LMBR1: variants seen among roughly 807,000 people sequenced by gnomAD.
LMBR1 encodes the protein limb development membrane protein 1, also known as limb region 1 protein homolog.
A neutral mutation model predicts 73.9 loss-of-function variants in LMBR1; 52 were observed. The ratio of observed to expected loss-of-function variants is 0.70; its 90% CI spans 0.56 to 0.89. The LOEUF is 0.89. LMBR1 is among the 40% of genes least tolerant of loss of function. The pLI, the probability that LMBR1 is intolerant of heterozygous loss-of-function variation, is 0.00. For missense variants in LMBR1, 539 were observed against 579.8 expected, an observed-to-expected ratio of 0.93 and a Z score of 0.72; for synonymous variants, 215 against 209.4, an observed-to-expected ratio of 1.03 and a Z score of -0.23.
intron 1 of LMBR1, among the ~76,000 whole-genome samples, chr7:156,838,212 T>C (rs1241496048): frequency 6.6e-6 from 1 of 152,222 alleles, no homozygotes; most frequent in East Asian, 1.9e-4. Flanking sequence ...ACCTCAAATA[T>C]TTATAATTTT....
At chr7:156,880,868 G>T (rs1420762202) in intron 1 of LMBR1, among the ~76,000 whole-genome samples, 1 of 152,084 alleles carries the variant, frequency 6.6e-6, no homozygotes, top group Non-Finnish European at 1.5e-5. Context: ...AGCCAGGCTG[G>T]TCTCAAACTC....
chr7:156,841,178 C>T (rs1219449869), intron 1 of LMBR1, among the ~76,000 whole-genome samples: 2 of 151,932 alleles, frequency 1.3e-5, no homozygotes, highest in African/African-American at 4.8e-5. Flanking sequence ...GCCTGAGAAA[C>T]TGGAAAGACA....
chr7:156,851,036 C>T (rs1586224033), intron 1 of LMBR1, among the ~76,000 whole-genome samples: 2 of 152,152 alleles, frequency 1.3e-5, no homozygotes, highest in East Asian at 1.9e-4. Flanking sequence ...CCATATGACA[C>T]CCGCCACTTC....
intron 8 of LMBR1, among the ~76,000 whole-genome samples, chr7:156,761,714 C>T (rs921414414): frequency 3.3e-5 from 5 of 152,080 alleles, no homozygotes; most frequent in African/African-American, 9.7e-5. Context: ...CGGTGGCTCA[C>T]GCCTGTAATC....
intron 1 of LMBR1, among the ~76,000 whole-genome samples, chr7:156,875,533 C>T (rs1229750765): frequency 6.6e-6 from 1 of 152,086 alleles, no homozygotes; most frequent in East Asian, 1.9e-4. Flanking sequence ...TATCAAAAGT[C>T]AAGATGAAGG....
At chr7:156,889,509 G>C (rs1487278857) in intron 1 of LMBR1, among the ~76,000 whole-genome samples, 1 of 152,178 alleles carries the variant, frequency 6.6e-6, no homozygotes, top group Admixed American at 6.5e-5. Flanking sequence ...AATCATTTGA[G>C]AAAGAAATGC....
downstream of LMBR1, among the ~76,000 whole-genome samples, chr7:156,674,045 C>T (rs570193486): frequency 6.6e-6 from 1 of 152,348 alleles, no homozygotes; most frequent in South Asian, 2.1e-4. Flanking sequence ...GGGACTTGTT[C>T]ATTTCATCCT....
At chr7:156,892,782 T>A (rs922984189) in intron 1 of LMBR1, 146 bp downstream of exon 1, 7 of 235,588 alleles carry the variant, frequency 3.0e-5, no homozygotes, top group Non-Finnish European at 2.7e-5. Flanking sequence ...AGAGGAGGGG[T>A]GGGGAGGGAG....
At chr7:156,745,769 G>T (rs1363063705) in intron 9 of LMBR1, among the ~76,000 whole-genome samples, 1 of 152,188 alleles carries the variant, frequency 6.6e-6, no homozygotes, top group Non-Finnish European at 1.5e-5. Flanking sequence ...GCAGCTCCTT[G>T]CTCACTTCTG....
At chr7:156,675,717 A>G (rs767799081), downstream of LMBR1, 1 of 1,611,254 alleles carries the variant, frequency 6.2e-7, no homozygotes, top group South Asian at 1.1e-5. Flanking sequence ...CAGCCACCGC[A>G]TCCTGTGCTC....
intron 5 of LMBR1, among the ~76,000 whole-genome samples, chr7:156,768,359 C>CA (rs1284943288): frequency 1.8e-4 from 26 of 145,992 alleles, no homozygotes; most frequent in East Asian, 6.0e-4. Flanking sequence ...GACTCGGTCT[C>CA]AAAAAAAAAC....
At chr7:156,830,907 G>A (rs577959442) in intron 3 of LMBR1, among the ~76,000 whole-genome samples, 8 of 152,292 alleles carry the variant, frequency 5.3e-5, no homozygotes, top group African/African-American at 1.7e-4. Context: ...GAACACAAGC[G>A]AACATTCTTG....
intron 4 of LMBR1, among the ~76,000 whole-genome samples, chr7:156,799,581 C>T (rs1266519219): frequency 6.6e-6 from 1 of 152,120 alleles, no homozygotes; most frequent in East Asian, 1.9e-4. Flanking sequence ...TCTCCTAGGG[C>T]CTCCCCATTC....
chr7:156,809,450 T>C (rs1405523761), intron 4 of LMBR1, among the ~76,000 whole-genome samples: 2 of 152,236 alleles, frequency 1.3e-5, no homozygotes, highest in African/African-American at 4.8e-5. Flanking sequence ...AATGGCATGG[T>C]ATTTGCATAT....
chr7:156,826,540 TA>T, intron 4 of LMBR1, 64 bp downstream of exon 4: 1 of 1,094,544 alleles, frequency 9.1e-7, no homozygotes, highest in Non-Finnish European at 1.2e-6. Context: ...AAGAAAAATC[TA>T]AAAATATGGT....
At chr7:156,878,618 G>C (rs1310547797) in intron 1 of LMBR1, among the ~76,000 whole-genome samples, 1 of 152,094 alleles carries the variant, frequency 6.6e-6, no homozygotes, top group Non-Finnish European at 1.5e-5. Flanking sequence ...TTGTGAAAAT[G>C]ACCATACTGC....
At chr7:156,772,950 A>G (rs566120786) in intron 5 of LMBR1, among the ~76,000 whole-genome samples, 121 of 152,296 alleles carry the variant, frequency 7.9e-4, no homozygotes, top group African/African-American at 2.8e-3. Flanking sequence ...ATAATTTCAT[A>G]TCTAGAAAAT....
intron 1 of LMBR1, among the ~76,000 whole-genome samples, chr7:156,868,433 T>C (rs1798788426): frequency 6.6e-6 from 1 of 152,134 alleles, no homozygotes; most frequent in Non-Finnish European, 1.5e-5. Flanking sequence ...CCCAGCACTT[T>C]GGGAGGCCGA....
intron 9 of LMBR1, among the ~76,000 whole-genome samples, chr7:156,736,318 A>G (rs1817855124): frequency 6.6e-6 from 1 of 152,258 alleles, no homozygotes; most frequent in Admixed American, 6.5e-5. Context: ...ACTGTTCTTT[A>G]ACAGTCAAAT....
Sources: allele counts gnomAD v4.1 joint callset (sites outside exome capture counted in the v4.1 genomes callset), GRCh38; gene constraint gnomAD v4.1.1; transcripts MANE v1.5; gene names NCBI Gene and HGNC (gene_info 2026-07-23, HGNC 2026-07-21).